QTGAL: variants seen among roughly 807,000 people sequenced by gnomAD.
QTGAL encodes the protein BGnT-like protein 1.
chr17:83,037,790 T>C, the QTGAL span, among the ~76,000 whole-genome samples: 17 of 152,340 alleles, frequency 1.1e-4, no homozygotes, highest in Non-Finnish European at 1.8e-4. This position sits in a 1 kb window ranked among gnomAD's most constrained non-coding sequence, Gnocchi z 5.2. Context: ...GGAAGACTTA[T>C]CTCACTAAGG....
At chr17:83,022,096 A>C in the QTGAL span, among the ~76,000 whole-genome samples, 88,334 of 152,104 alleles carry the variant, frequency 0.58, 25,842 homozygotes, top group East Asian at 0.7. Flanking sequence ...AGACATCCAA[A>C]AGAAAATGAA....
chr17:82,970,680 TGA>T, the QTGAL span, among the ~76,000 whole-genome samples: 3 of 131,124 alleles, frequency 2.3e-5, no homozygotes, highest in Non-Finnish European at 5.0e-5. Flanking sequence ...AGCGTGGCCG[TGA>T]TGCGAGGCCT....
chr17:83,014,584 C>T, the QTGAL span: 1 of 1,561,792 alleles, frequency 6.4e-7, no homozygotes, highest in Non-Finnish European at 8.8e-7. Flanking sequence ...CTAATACAGT[C>T]CCGCTTTATT....
chr17:82,946,391 T>C, the QTGAL span, among the ~76,000 whole-genome samples: 2 of 152,228 alleles, frequency 1.3e-5, no homozygotes, highest in Non-Finnish European at 1.5e-5. Context: ...AGGAAGATGA[T>C]TGATAGAACT....
chr17:82,963,984 T>C, the QTGAL span, among the ~76,000 whole-genome samples: 5 of 144,880 alleles, frequency 3.5e-5, no homozygotes, highest in African/African-American at 1.3e-4. Flanking sequence ...TGGTTGGGTG[T>C]GGTGGCTCAT....
chr17:83,033,394 C>T, the QTGAL span, among the ~76,000 whole-genome samples: 2 of 152,004 alleles, frequency 1.3e-5, no homozygotes, highest in African/African-American at 4.8e-5. Context: ...GAAGGACACT[C>T]TTCAGGCTCT....
the QTGAL span, chr17:83,048,380 G>T: frequency 2.6e-6 from 3 of 1,173,102 alleles, no homozygotes; most frequent in South Asian, 2.5e-5. Flanking sequence ...GATACTTTTT[G>T]TCAGTATTTG....
At chr17:83,040,829 G>A in the QTGAL span, among the ~76,000 whole-genome samples, 1 of 152,166 alleles carries the variant, frequency 6.6e-6, no homozygotes, top group Admixed American at 6.5e-5. Context: ...ACTTTGGGAG[G>A]CCGAGGCAGG....
chr17:83,031,030 G>C, the QTGAL span: 1 of 152,270 alleles, frequency 6.6e-6, no homozygotes, highest in Admixed American at 6.5e-5. Flanking sequence ...ACATCTCTAA[G>C]AGGACTGGAA....
chr17:83,041,638 T>C, the QTGAL span, among the ~76,000 whole-genome samples: 1 of 152,226 alleles, frequency 6.6e-6, no homozygotes, highest in African/African-American at 2.4e-5. Context: ...GTAAACCTGC[T>C]GTAAGTTTAA....
At chr17:83,027,830 C>T in the QTGAL span, among the ~76,000 whole-genome samples, 1 of 149,698 alleles carries the variant, frequency 6.7e-6, no homozygotes, top group Non-Finnish European at 1.5e-5. Context: ...GTAAGATAAA[C>T]AGGCCAGGTG....
At chr17:82,996,236 AAC>A in the QTGAL span, among the ~76,000 whole-genome samples, 3 of 152,198 alleles carry the variant, frequency 2.0e-5, no homozygotes, top group Non-Finnish European at 2.9e-5. Context: ...AAAAACAGAA[AAC>A]ACAGGCTGGG....
At chr17:82,965,620 G>T in the QTGAL span, 2 of 1,557,760 alleles carry the variant, frequency 1.3e-6, no homozygotes, top group African/African-American at 1.4e-5. Flanking sequence ...GAACCTGGGG[G>T]AGGGACCTGA....
the QTGAL span, chr17:82,943,058 A>C: frequency 6.5e-6 from 1 of 154,388 alleles, no homozygotes; most frequent in Non-Finnish European, 1.4e-5. Context: ...GCCCCTCTGC[A>C]GTGCAGGAGT....
chr17:83,024,459 G>C, the QTGAL span, among the ~76,000 whole-genome samples: 3 of 152,266 alleles, frequency 2.0e-5, no homozygotes, highest in Non-Finnish European at 4.4e-5. Context: ...GACGTGGCCA[G>C]CAGAGCCCTC....
chr17:83,038,764 C>G, the QTGAL span, among the ~76,000 whole-genome samples: 20 of 152,126 alleles, frequency 1.3e-4, no homozygotes, highest in Admixed American at 1.3e-3. Flanking sequence ...GAGGCTGAGG[C>G]AGGAGAATGG....
chr17:83,042,324 G>A, the QTGAL span, among the ~76,000 whole-genome samples: 10 of 152,280 alleles, frequency 6.6e-5, 1 homozygote, highest in South Asian at 4.1e-4. Context: ...CCAAGATCAC[G>A]CCACTGCGCT....
chr17:82,942,541 T>C, the QTGAL span: 3 of 1,600,354 alleles, frequency 1.9e-6, no homozygotes, highest in South Asian at 2.2e-5. Context: ...GTGGAAAGCC[T>C]CGCACAGTGG....
At chr17:82,961,070 G>A in the QTGAL span, 1 of 1,609,418 alleles carries the variant, frequency 6.2e-7, no homozygotes, top group African/African-American at 1.3e-5. Flanking sequence ...AGGACGCAGT[G>A]CGTGGCCGCC....
Sources: allele counts gnomAD v4.1 joint callset (sites outside exome capture counted in the v4.1 genomes callset), GRCh38; gene constraint gnomAD v4.1.1; non-coding constraint Gnocchi (gnomAD v3.1); transcripts MANE v1.5; gene names NCBI Gene and HGNC (gene_info 2026-07-23, HGNC 2026-07-21).